Variants in ANTXR2 observed in about 807,000 individuals in gnomAD.
The protein encoded by ANTXR2 is anthrax toxin receptor 2.
Under a neutral mutation model 73.7 loss-of-function variants are expected in ANTXR2, and 44 were observed. The ratio of observed to expected loss-of-function variants is 0.60; its 90% CI spans 0.47 to 0.77. The LOEUF (loss-of-function observed/expected upper bound fraction) is 0.77, where lower values mean the gene tolerates loss of function less well. Ranked by LOEUF, ANTXR2 falls within the 30% of genes least tolerant of loss-of-function variation. The pLI, the probability that ANTXR2 is intolerant of heterozygous loss-of-function variation, is 0.00. For synonymous variants in ANTXR2, 217 were observed against 205.9 expected, an observed-to-expected ratio of 1.05 and a Z score of -0.46; for missense variants, 604 against 592.5, an observed-to-expected ratio of 1.02 and a Z score of -0.20.
chr4:79,943,632 G>T (rs1415744524), intron 16 of ANTXR2, among the ~76,000 whole-genome samples: 1 of 119,786 alleles, frequency 8.3e-6, no homozygotes, highest in East Asian at 2.6e-4. Context: ...TATACCTAAT[G>T]CTAGATGACA....
rs1400438208 is a variant in ANTXR2, at chr4:80,072,900, C to G, written c.-340G>C. 7.0e-6 allele frequency: 2 copies of G among 285,330 alleles called. No homozygotes were observed. Among genetic ancestry groups the G allele is most frequent in the Non-Finnish European group, 5.9e-6 (1 of 170,678 alleles). The allele number at this position is 285,330 out of a possible 1,614,324, so 17.7% of individuals were successfully genotyped here. A position where few individuals can be genotyped will look rare whatever the true frequency, so the allele number is the denominator to read the frequency against. Reference sequence around the variant, plus strand: ...GCTCGCGAAAGGAGTTCCTCTCCGGCCTGGGGCCGAGCCTCCAGCGCCCGC... The same window carrying G: ...GCTCGCGAAAGGAGTTCCTCTCCGGGCTGGGGCCGAGCCTCCAGCGCCCGC... On this transcript the variant is annotated 5_prime_UTR_variant, in exon 1 of 17. Transcript: ENST00000403729.
At chr4:79,927,145 A>G (rs978948213) in intron 16 of ANTXR2, among the ~76,000 whole-genome samples, 2 of 151,854 alleles carry the variant, frequency 1.3e-5, no homozygotes, top group African/African-American at 4.8e-5. Context: ...TCTAAAGGAC[A>G]CTGTGGCAAG....
At chr4:79,933,220 A>G (rs1488746464) in intron 16 of ANTXR2, among the ~76,000 whole-genome samples, 1 of 152,228 alleles carries the variant, frequency 6.6e-6, no homozygotes, top group Non-Finnish European at 1.5e-5. Flanking sequence ...GCATAATTTA[A>G]AAGTAGGATA....
At chr4:80,007,449 G>C (rs1477595113) in intron 12 of ANTXR2, among the ~76,000 whole-genome samples, 1 of 152,062 alleles carries the variant, frequency 6.6e-6, no homozygotes, top group Non-Finnish European at 1.5e-5. Context: ...GAAATGTGTA[G>C]AATGATACCC....
chr4:79,988,531 A>C (rs959754530), intron 12 of ANTXR2, among the ~76,000 whole-genome samples: 1 of 151,946 alleles, frequency 6.6e-6, no homozygotes, highest in African/African-American at 2.4e-5. Context: ...AGAAGCTTAG[A>C]TAACCACACA....
chr4:79,910,159 G>A (rs1294251849), intron 16 of ANTXR2, among the ~76,000 whole-genome samples: 1 of 152,132 alleles, frequency 6.6e-6, no homozygotes, highest in African/African-American at 2.4e-5. Flanking sequence ...GACTAAATTT[G>A]TTAAGATATA....
chr4:79,929,612 A>T (rs1727980928), intron 16 of ANTXR2, among the ~76,000 whole-genome samples: 1 of 152,208 alleles, frequency 6.6e-6, no homozygotes. Context: ...TGATGCAAGG[A>T]CAAGATTCTC....
intron 16 of ANTXR2, among the ~76,000 whole-genome samples, chr4:79,964,456 T>C (rs1011568739): frequency 6.6e-6 from 1 of 152,160 alleles, no homozygotes; most frequent in Non-Finnish European, 1.5e-5. Context: ...CACGGCTTAA[T>C]GGAGGTTGTT....
At chr4:79,923,106 A>C (rs1227623218) in intron 16 of ANTXR2, among the ~76,000 whole-genome samples, 7 of 152,036 alleles carry the variant, frequency 4.6e-5, no homozygotes, top group African/African-American at 1.7e-4. Flanking sequence ...ATATTAGCTG[A>C]ATGAATGATC....
intron 12 of ANTXR2, among the ~76,000 whole-genome samples, chr4:79,990,358 ATCAAGAAT>A (rs1333429585): frequency 1.3e-5 from 2 of 148,340 alleles, no homozygotes; most frequent in East Asian, 3.9e-4. Flanking sequence ...TGAGAGCCAA[ATCAAGAAT>A]TCAATAACAA....
chr4:79,907,624 AGCATGATG>A (rs1726970942), intron 16 of ANTXR2, among the ~76,000 whole-genome samples, 157 bp from the exon 17 acceptor site: 1 of 152,168 alleles, frequency 6.6e-6, no homozygotes, highest in East Asian at 1.9e-4. Flanking sequence ...CTTGGGTTAA[AGCATGATG>A]GTTCATTCAG....
Position 80,072,664 on chromosome 4 carries a change from G to T in ANTXR2, c.-104C>A, listed in dbSNP as rs1578203510. 4.5e-6 allele frequency: 6 copies of T among 1,338,912 alleles called. No homozygotes were observed. The highest frequency in any genetic ancestry group is 5.7e-6 in the Non-Finnish European group (6 of 1,048,496). 82.9% of individuals were successfully genotyped at this position (1,338,912 alleles called of 1,614,324 possible). A position where few individuals can be genotyped will look rare whatever the true frequency, so the allele number is the denominator to read the frequency against. On this transcript the variant is annotated 5_prime_UTR_variant, in exon 1 of 17. Coordinates refer to ENST00000403729, the MANE Select transcript of ANTXR2 (RefSeq NM_058172.6). Reference sequence around the variant, plus strand: ...CCCGGCACGCACTCTGGGGTGGGGGGCGGCGAGCAGCTGAGACGCCGGCGC... The same window carrying T: ...CCCGGCACGCACTCTGGGGTGGGGGTCGGCGAGCAGCTGAGACGCCGGCGC...
At position 80,045,400 on chromosome 4, in the gene ANTXR2, TCA is replaced by T. The variant is rs1733473084; in HGVS notation, c.636+8870_636+8871del. ...CAAATCTATTAAAAATTCTAAATAT[TCA>T]CCTCAGCAAGAATTTTTTGACACTG... On this transcript the variant is annotated intron_variant, in intron 7 of 16. Coordinates refer to ENST00000403729, the MANE Select transcript of ANTXR2 (RefSeq NM_058172.6). Among the ~76,000 whole-genome samples the T allele has an allele frequency of 2.6e-5, 4 of 151,682 alleles. No homozygotes were observed. In the Admixed American group the frequency reaches 2.6e-4, roughly 10 times the overall value.
chr4:80,061,747 A>AT (rs1290978289), intron 3 of ANTXR2, among the ~76,000 whole-genome samples: 2 of 152,204 alleles, frequency 1.3e-5, no homozygotes, highest in East Asian at 3.9e-4. Context: ...TATGTAATAT[A>AT]TAGTAACTGC....
chr4:79,916,085 A>G (rs12639837), intron 16 of ANTXR2, among the ~76,000 whole-genome samples: 149,388 of 152,006 alleles, frequency 0.98, 73,461 homozygotes, highest in East Asian at 1. Flanking sequence ...AATGTTTTTT[A>G]TTCAGTATCT....
chr4:79,980,921 TAAAAAAAA>T (rs11397721), intron 14 of ANTXR2, among the ~76,000 whole-genome samples: 3 of 137,566 alleles, frequency 2.2e-5, no homozygotes, highest in Non-Finnish European at 4.7e-5. Flanking sequence ...TTAAGGGCTT[TAAAAAAAA>T]AAAAAAAAAA....
chr4:80,041,627 A>C lies in ANTXR2; in HGVS notation c.637-5595T>G, dbSNP rs1324715161. On this transcript the variant is annotated intron_variant, in intron 7 of 16. Transcript: ENST00000403729. Reference sequence around the variant, plus strand: ...CTAATGTTCTCTCTCTCCCCACCCCACCCTCAACAGGCCCCAGTGTGTCTT... The same window carrying C: ...CTAATGTTCTCTCTCTCCCCACCCCCCCCTCAACAGGCCCCAGTGTGTCTT... Among the ~76,000 whole-genome samples, 8 of 151,320 alleles carry C rather than the reference A, an allele frequency of 5.3e-5. No homozygotes were observed. The South Asian group carries it at 8.4e-4, about 16-fold the overall frequency.
At chr4:80,039,887 T>G (rs979735530) in intron 7 of ANTXR2, among the ~76,000 whole-genome samples, 15 of 152,080 alleles carry the variant, frequency 9.9e-5, no homozygotes, top group Non-Finnish European at 1.5e-4. Context: ...AACAGTGGAC[T>G]GGATGAAGAA....
At chr4:80,041,341 A>C (rs1733237516) in intron 7 of ANTXR2, among the ~76,000 whole-genome samples, 1 of 151,728 alleles carries the variant, frequency 6.6e-6, no homozygotes, top group Non-Finnish European at 1.5e-5. Flanking sequence ...TTTTGTCTGG[A>C]CTCCTGTAAT....
Sources: gnomAD v4.1 joint callset for allele counts (sites outside exome capture counted in the v4.1 genomes callset) on GRCh38, gnomAD v4.1.1 for gene constraint, MANE v1.5 for transcripts, NCBI Gene and HGNC (gene_info 2026-07-23, HGNC 2026-07-21) for gene names.